Variants in FSIP1 observed in about 807,000 individuals in gnomAD.
The protein encoded by FSIP1 is fibrous sheath-interacting protein 1.
FSIP1 carries 65 observed loss-of-function variants against 60.9 expected under a neutral mutation model. The ratio of observed to expected loss-of-function variants is 1.07; its 90% CI spans 0.87 to 1.31. FSIP1 has a LOEUF of 1.31. Among genes scored for constraint, FSIP1 ranks in the 40% most tolerant of loss-of-function variants. The pLI is 0.00. For synonymous variants in FSIP1, 209 were observed against 221.2 expected (o/e 0.94, Z 0.49); for missense variants, 675 against 665.5 (o/e 1.01, Z -0.16).
At chr15:39,661,887 C>T (rs572036567) in intron 10 of FSIP1, among the ~76,000 whole-genome samples, 40 of 152,140 alleles carry the variant, frequency 2.6e-4, no homozygotes, top group Non-Finnish European at 5.1e-4. Context: ...GTTAATCAGC[C>T]ATTCAGGAGC....
intron 10 of FSIP1, among the ~76,000 whole-genome samples, chr15:39,712,240 C>G (rs1895548038): frequency 6.6e-6 from 1 of 152,064 alleles, no homozygotes; most frequent in Non-Finnish European, 1.5e-5. Flanking sequence ...GGCAGTTCAG[C>G]TGGGCTTGAT....
intron 10 of FSIP1, among the ~76,000 whole-genome samples, chr15:39,628,029 T>C (rs1388031365): frequency 6.6e-6 from 1 of 152,132 alleles, no homozygotes; most frequent in African/African-American, 2.4e-5. Context: ...TGGCACTGGC[T>C]GGGTGCAGGT....
At chr15:39,717,574 A>G (rs1443138739) in intron 9 of FSIP1, among the ~76,000 whole-genome samples, 1 of 152,252 alleles carries the variant, frequency 6.6e-6, no homozygotes. Flanking sequence ...ACAGCAGGCC[A>G]GTATCAGGTA....
chr15:39,659,498 T>G (rs1160683757), intron 10 of FSIP1, among the ~76,000 whole-genome samples: 2 of 149,942 alleles, frequency 1.3e-5, no homozygotes, highest in African/African-American at 4.9e-5. Context: ...GCCGAGATCG[T>G]GCCACTGCAC....
chr15:39,781,086 A>G (rs1393837584), intron 1 of FSIP1, among the ~76,000 whole-genome samples: 1 of 152,214 alleles, frequency 6.6e-6, no homozygotes, highest in African/African-American at 2.4e-5. Context: ...TGCAAAACAC[A>G]TATCTGACAA....
chr15:39,722,286 G>A (rs1896013195), intron 9 of FSIP1, among the ~76,000 whole-genome samples: 1 of 151,908 alleles, frequency 6.6e-6, no homozygotes, highest in African/African-American at 2.4e-5. Flanking sequence ...AACAAGCTCA[G>A]AGCTCCCACT....
In FSIP1 at chr15:39,657,499, G is replaced by A. The variant is rs1444430673; in HGVS notation, c.1189-39254C>T. 8.5e-5 allele frequency among the ~76,000 whole-genome samples: 13 copies of A among 152,154 alleles called. No homozygotes were observed. In the East Asian group the frequency reaches 1.9e-3, roughly 23 times the overall value. ...GCAAAAAATTTTACTTGATTTTTCC[G>A]TTTCTTCTGTTCTTGGAGAAAAACT... is the stretch of plus-strand genomic sequence containing the variant. On this transcript the variant is annotated intron_variant, in intron 10 of 11. Coordinates refer to ENST00000350221, the MANE Select transcript of FSIP1 (RefSeq NM_152597.5).
chr15:39,670,679 G>A (rs116209905), intron 10 of FSIP1, among the ~76,000 whole-genome samples: 2,441 of 152,282 alleles, frequency 0.016, 54 homozygotes, highest in African/African-American at 0.056. Flanking sequence ...GTCAACTGCT[G>A]TCTTACTAAG....
intron 10 of FSIP1, among the ~76,000 whole-genome samples, chr15:39,658,251 A>ATTTTTT (rs71132110): frequency 1.9e-5 from 2 of 105,290 alleles, no homozygotes; most frequent in South Asian, 3.0e-4. Context: ...AGCAGACATG[A>ATTTTTT]TTTTTTTTTT....
At chr15:39,757,982 A>G (rs545881471) in intron 5 of FSIP1, among the ~76,000 whole-genome samples, 6 of 152,266 alleles carry the variant, frequency 3.9e-5, no homozygotes, top group African/African-American at 1.4e-4. Context: ...CATCATGTTT[A>G]AAACAATGAT....
Position 39,765,582 on chromosome 15 carries a change from T to C in FSIP1, c.465+10A>G. 1 of 1,565,590 alleles carries C rather than the reference T, an allele frequency of 6.4e-7. No homozygotes were observed. The highest frequency in any genetic ancestry group is 8.6e-7 in the Non-Finnish European group (1 of 1,158,240). The stretch of plus-strand genomic sequence containing the variant: ...TCTTACATGTCAGCATAAGGTTAGA[T>C]AATTCTTACCTTAATTTCTTCCCAC... On this transcript the variant is annotated intron_variant, in intron 4 of 11. Coordinates refer to ENST00000350221, the MANE Select transcript of FSIP1 (RefSeq NM_152597.5).
At chr15:39,633,655 T>C (rs1489556215) in intron 10 of FSIP1, among the ~76,000 whole-genome samples, 2 of 152,236 alleles carry the variant, frequency 1.3e-5, no homozygotes, top group African/African-American at 4.8e-5. Context: ...CGTAGTTAAT[T>C]GAATAAATAT....
intron 11 of FSIP1, among the ~76,000 whole-genome samples, chr15:39,602,849 C>T (rs1247138006): frequency 6.6e-6 from 1 of 152,176 alleles, no homozygotes; most frequent in Non-Finnish European, 1.5e-5. Context: ...TTGTCCCACC[C>T]TACTGTAATT....
intron 8 of FSIP1, among the ~76,000 whole-genome samples, chr15:39,736,745 A>G (rs1896623321): frequency 6.6e-6 from 1 of 152,234 alleles, no homozygotes. Context: ...ATTCACTGGG[A>G]GAGTGCCTTT....
At chr15:39,685,410 C>T (rs1389398417) in intron 10 of FSIP1, among the ~76,000 whole-genome samples, 1 of 152,122 alleles carries the variant, frequency 6.6e-6, no homozygotes, top group African/African-American at 2.4e-5. Flanking sequence ...CAGTGAAAGT[C>T]CTTTCCTATA....
intron 10 of FSIP1, among the ~76,000 whole-genome samples, chr15:39,623,585 A>G (rs1372112423): frequency 6.6e-6 from 1 of 152,214 alleles, no homozygotes; most frequent in East Asian, 1.9e-4. Context: ...ATAGCTCTCT[A>G]TTGCAACCAC....
At chr15:39,645,948 G>A (rs1892586320) in intron 10 of FSIP1, among the ~76,000 whole-genome samples, 1 of 152,196 alleles carries the variant, frequency 6.6e-6, no homozygotes, top group Admixed American at 6.5e-5. Context: ...AACACTGGGG[G>A]CCGGGCTGCC....
intron 10 of FSIP1, among the ~76,000 whole-genome samples, chr15:39,635,110 C>T (rs1052091540): frequency 1.2e-4 from 18 of 152,220 alleles, no homozygotes; most frequent in African/African-American, 1.9e-4. Flanking sequence ...CCGAGGCGGG[C>T]GGATCACAAG....
chr15:39,720,355 A>C (rs905800059), intron 9 of FSIP1, among the ~76,000 whole-genome samples: 3 of 152,202 alleles, frequency 2.0e-5, no homozygotes, highest in Admixed American at 6.5e-5. Flanking sequence ...AAGCTTATCA[A>C]ATTGTGTACA....
Sources: gnomAD v4.1 joint callset for allele counts (sites outside exome capture counted in the v4.1 genomes callset) on GRCh38, gnomAD v4.1.1 for gene constraint, MANE v1.5 for transcripts, NCBI Gene and HGNC (gene_info 2026-07-23, HGNC 2026-07-21) for gene names.